The following TNFSF4 variants were observed in gnomAD, a reference collection of about 807,000 sequenced individuals.
The protein encoded by TNFSF4 is tumor necrosis factor ligand superfamily member 4.
In TNFSF4, 4 loss-of-function variants were observed where a neutral mutation model predicts 7.3. The observed-to-expected ratio is 0.55, with a 90% CI of 0.27 to 1.25. The LOEUF is 1.25. Ranked by LOEUF, TNFSF4 falls within the 50% of genes most tolerant of loss-of-function variation. The pLI is 0.12. For synonymous variants in TNFSF4, 76 were observed against 83.7 expected, an observed-to-expected ratio of 0.91 and a Z score of 0.50; for missense variants, 181 against 208.8, an observed-to-expected ratio of 0.87 and a Z score of 0.82.
the TNFSF4 span, among the ~76,000 whole-genome samples, chr1:173,291,524 A>G: frequency 1.3e-5 from 2 of 152,176 alleles, no homozygotes; most frequent in Non-Finnish European, 2.9e-5. Context: ...TTTATAGCAC[A>G]AAGTGCCTAC....
chr1:173,318,960 GCCCCAGTGATGCCTGGAA>G, the TNFSF4 span, among the ~76,000 whole-genome samples: 8 of 152,164 alleles, frequency 5.3e-5, no homozygotes, highest in Non-Finnish European at 1.2e-4. Context: ...GTTATTTTGT[GCCCCAGTGATGCCTGGAA>G]CCCCAGTGAG....
At chr1:173,335,631 T>C in the TNFSF4 span, among the ~76,000 whole-genome samples, 14 of 152,176 alleles carry the variant, frequency 9.2e-5, no homozygotes, top group Admixed American at 2.0e-4. Context: ...TCTATATAAG[T>C]AGAAATGTTC....
At chr1:173,378,078 G>C in the TNFSF4 span, among the ~76,000 whole-genome samples, 1 of 152,162 alleles carries the variant, frequency 6.6e-6, no homozygotes, top group Non-Finnish European at 1.5e-5. Flanking sequence ...AAGGGTGCAG[G>C]TTTTCGAGAA....
the TNFSF4 span, among the ~76,000 whole-genome samples, chr1:173,276,637 G>A: frequency 6.6e-6 from 1 of 152,164 alleles, no homozygotes; most frequent in Non-Finnish European, 1.5e-5. Flanking sequence ...TAATTTACGA[G>A]CTCAACTTTG....
chr1:173,435,304 C>A, the TNFSF4 span, among the ~76,000 whole-genome samples: 23 of 152,310 alleles, frequency 1.5e-4, no homozygotes, highest in African/African-American at 5.1e-4. Flanking sequence ...TACTAAATAA[C>A]TGAGCTATTT....
chr1:173,186,984 G>A (rs1218169032), intron 2 of TNFSF4, 119 bp from the exon 3 acceptor site: 2 of 691,690 alleles, frequency 2.9e-6, no homozygotes, highest in African/African-American at 3.6e-5. Flanking sequence ...TTTGAAAAGA[G>A]TAAAAGCAGT....
the TNFSF4 span, among the ~76,000 whole-genome samples, chr1:173,223,179 G>T: frequency 1.3e-5 from 2 of 152,176 alleles, no homozygotes; most frequent in Admixed American, 6.5e-5. Flanking sequence ...GGGAAAGAGT[G>T]TAATGACTGT....
At chr1:173,333,048 G>A in the TNFSF4 span, among the ~76,000 whole-genome samples, 544 of 152,266 alleles carry the variant, frequency 3.6e-3, 4 homozygotes, top group Admixed American at 6.6e-3. Context: ...AATTACATGC[G>A]ATATCACGCA....
chr1:173,367,311 G>A, the TNFSF4 span, among the ~76,000 whole-genome samples: 1 of 152,148 alleles, frequency 6.6e-6, no homozygotes, highest in Non-Finnish European at 1.5e-5. Context: ...TTCATCTGAC[G>A]ATACAGCCTC....
rs547925315 is a variant in TNFSF4, at chr1:173,196,539, G to A, written c.154-7970C>T. ...CCACTCTTCTCATCGAGTCTACTAA[G>A]TAACGGCTATGAGTTTTCCCGCAGA... On this transcript the variant is annotated intron_variant, in intron 1 of 2. Transcript: ENST00000281834. Among the ~76,000 whole-genome samples, 6 of 152,168 alleles carry A rather than the reference G, an allele frequency of 3.9e-5. No homozygotes were observed. The East Asian group carries it at 9.7e-4, about 24-fold the overall frequency.
chr1:173,217,990 C>G, the TNFSF4 span, among the ~76,000 whole-genome samples: 1 of 152,144 alleles, frequency 6.6e-6, no homozygotes, highest in Non-Finnish European at 1.5e-5. Flanking sequence ...CTCAAGCAAT[C>G]CTCCCGCCTC....
At chr1:173,419,905 C>G in the TNFSF4 span, among the ~76,000 whole-genome samples, 2 of 150,348 alleles carry the variant, frequency 1.3e-5, no homozygotes, top group Admixed American at 6.6e-5. Context: ...GTTTGTGTGG[C>G]GGGGGGGGGG....
chr1:173,256,925 A>G, the TNFSF4 span, among the ~76,000 whole-genome samples: 117 of 152,358 alleles, frequency 7.7e-4, 1 homozygote, highest in South Asian at 0.024. Context: ...TTAAATATAA[A>G]TGGATTCTAA....
the TNFSF4 span, among the ~76,000 whole-genome samples, chr1:173,291,302 A>T: frequency 0.029 from 4,372 of 152,234 alleles, 92 homozygotes; most frequent in Middle Eastern, 0.1. Flanking sequence ...GATGGTGCTA[A>T]ATCAGTCATA....
intron 1 of TNFSF4, among the ~76,000 whole-genome samples, chr1:173,199,551 A>G (rs538135764): frequency 6.6e-6 from 1 of 152,208 alleles, no homozygotes; most frequent in Non-Finnish European, 1.5e-5. Context: ...GGGAGCCACT[A>G]GAAGCTAGAA....
chr1:173,301,783 C>G, the TNFSF4 span, among the ~76,000 whole-genome samples: 6 of 151,720 alleles, frequency 4.0e-5, no homozygotes, highest in Non-Finnish European at 7.4e-5. Context: ...TATTTGTTTA[C>G]TCACTTATTT....
At chr1:173,349,290 A>G in the TNFSF4 span, among the ~76,000 whole-genome samples, 1 of 152,000 alleles carries the variant, frequency 6.6e-6, no homozygotes, top group Non-Finnish European at 1.5e-5. Context: ...GGCCTCCCAA[A>G]GTGCTGGGAT....
At chr1:173,301,712 T>C in the TNFSF4 span, among the ~76,000 whole-genome samples, 1 of 151,894 alleles carries the variant, frequency 6.6e-6, no homozygotes, top group African/African-American at 2.4e-5. Flanking sequence ...CACTCCTTCA[T>C]ATCACTATGC....
chr1:173,272,516 G>A, the TNFSF4 span, among the ~76,000 whole-genome samples: 4 of 151,954 alleles, frequency 2.6e-5, no homozygotes, highest in Non-Finnish European at 5.9e-5. Context: ...GTTTCCCATC[G>A]AAATTCATGA....
Sources: gnomAD v4.1 joint callset for allele counts (sites outside exome capture counted in the v4.1 genomes callset) on GRCh38, gnomAD v4.1.1 for gene constraint, MANE v1.5 for transcripts, NCBI Gene and HGNC (gene_info 2026-07-23, HGNC 2026-07-21) for gene names.